Variants in FGF12 observed in about 807,000 individuals in gnomAD.
The protein encoded by FGF12 is fibroblast growth factor 12.
In FGF12, 14 loss-of-function variants were observed where a neutral mutation model predicts 23.6. The observed-to-expected ratio is 0.59, with a 90% CI of 0.39 to 0.93. The LOEUF (loss-of-function observed/expected upper bound fraction) is 0.93. FGF12 is among the 40% of genes least tolerant of loss of function. The probability of loss-of-function intolerance (pLI) is 0.00; values close to 1 mark genes in which losing one functional copy is unlikely to be tolerated. For missense variants in FGF12, 175 were observed against 217.8 expected (o/e 0.80, Z 1.24); for synonymous variants, 62 against 77.3 (o/e 0.80, Z 1.04).
rs577283466 is a variant in FGF12, at chr3:192,323,234, G to A, written c.228+12127C>T. ...ACTGCTAGGTATATCCAAAAGAAAG[G>A]AAATAGGTATATCAAAGAGATATTT... is the stretch of plus-strand genomic sequence containing the variant. On this transcript the variant is annotated intron_variant, in intron 4 of 5. Coordinates refer to ENST00000445105, the MANE Select transcript of FGF12 (RefSeq NM_004113.6). Among the ~76,000 whole-genome samples the A allele has an allele frequency of 2.6e-5, 4 of 152,210 alleles. No individual in the cohort carries two copies. The South Asian group carries it at 8.3e-4, about 32-fold the overall frequency.
chr3:192,569,916 C>T (rs1712515322), intron 2 of FGF12, among the ~76,000 whole-genome samples: 1 of 152,036 alleles, frequency 6.6e-6, no homozygotes. Flanking sequence ...AAGAACAGGA[C>T]TAAGGATGTG....
In FGF12 at chr3:192,384,384, C is replaced by A. The variant is rs377723339; in HGVS notation, c.14-23846G>T. Among the ~76,000 whole-genome samples, 6 of 152,256 alleles carry A rather than the reference C, an allele frequency of 3.9e-5. No homozygotes were observed. In the East Asian group the frequency reaches 9.7e-4, roughly 24 times the overall value. On this transcript the variant is annotated intron_variant, in intron 2 of 5. Transcript: ENST00000445105. ...ATATTAAATTGAAAACAGCAAGAAG[C>A]TAGAGAAGAGGGGATGAAAGGTGAT...
intron 3 of FGF12, among the ~76,000 whole-genome samples, chr3:192,352,122 T>A (rs1198945457): frequency 6.6e-6 from 1 of 152,318 alleles, no homozygotes; most frequent in African/African-American, 2.4e-5. Flanking sequence ...CTTCAAGTAA[T>A]TAATCAAAAT....
At chr3:192,265,682 T>C (rs935544283) in intron 4 of FGF12, among the ~76,000 whole-genome samples, 2 of 152,084 alleles carry the variant, frequency 1.3e-5, no homozygotes, top group Admixed American at 1.3e-4. Flanking sequence ...CATTTACTTA[T>C]GGTATATGGC....
intron 2 of FGF12, among the ~76,000 whole-genome samples, chr3:192,474,987 G>A (rs559365605): frequency 3.6e-4 from 55 of 151,932 alleles, no homozygotes; most frequent in Non-Finnish European, 5.3e-4. Context: ...TGAGTCTTTT[G>A]CCTAGTTCTT....
intron 4 of FGF12, among the ~76,000 whole-genome samples, chr3:192,297,180 T>C (rs1715087118): frequency 1.3e-5 from 2 of 152,182 alleles, no homozygotes; most frequent in South Asian, 4.1e-4. Flanking sequence ...CCTATTTGGT[T>C]AGAATTTCCC....
intron 2 of FGF12, among the ~76,000 whole-genome samples, chr3:192,384,541 T>C (rs566562841): frequency 3.3e-5 from 5 of 152,312 alleles, no homozygotes; most frequent in Middle Eastern, 3.4e-3. Flanking sequence ...CTTATTCAGA[T>C]GCAAAAGTGT....
chr3:192,465,654 C>G (rs747766802), intron 2 of FGF12, among the ~76,000 whole-genome samples: 3 of 152,170 alleles, frequency 2.0e-5, no homozygotes, highest in Non-Finnish European at 4.4e-5. Context: ...AGCTACTTTT[C>G]TTAAATTTTG....
intron 2 of FGF12, among the ~76,000 whole-genome samples, chr3:192,512,726 C>G (rs1724517755): frequency 6.6e-6 from 1 of 150,612 alleles, no homozygotes; most frequent in African/African-American, 2.4e-5. Flanking sequence ...CTACTTGGAA[C>G]TAAATACCAT....
At chr3:192,719,497 G>C (rs183466024) in intron 2 of FGF12, among the ~76,000 whole-genome samples, 1 of 152,240 alleles carries the variant, frequency 6.6e-6, no homozygotes, top group East Asian at 1.9e-4. Context: ...TTGTAGGCTT[G>C]AAAATAAAGA....
At chr3:192,492,121 A>C (rs1723818873) in intron 2 of FGF12, among the ~76,000 whole-genome samples, 1 of 152,150 alleles carries the variant, frequency 6.6e-6, no homozygotes, top group South Asian at 2.1e-4. Context: ...AGGAAGAAAA[A>C]CTTTATAAAG....
At chr3:192,161,191 A>AC (rs757928005) in intron 5 of FGF12, among the ~76,000 whole-genome samples, 4 of 151,982 alleles carry the variant, frequency 2.6e-5, no homozygotes, top group Non-Finnish European at 5.9e-5. Flanking sequence ...AACCACCACC[A>AC]CCAACAGCAG....
chr3:192,479,150 G>A (rs1723409434), intron 2 of FGF12, among the ~76,000 whole-genome samples: 2 of 152,138 alleles, frequency 1.3e-5, no homozygotes, highest in South Asian at 4.2e-4. Flanking sequence ...TTTTGAAGAG[G>A]CAATATGCCT....
chr3:192,707,744 C>CAA (rs780175053), intron 2 of FGF12, among the ~76,000 whole-genome samples: 5 of 84,844 alleles, frequency 5.9e-5, no homozygotes, highest in Admixed American at 4.3e-4. Flanking sequence ...GACTCCTTCT[C>CAA]AAAAAAAAAA....
intron 4 of FGF12, among the ~76,000 whole-genome samples, chr3:192,226,550 A>G (rs1253358861): frequency 1.3e-5 from 2 of 152,140 alleles, no homozygotes; most frequent in Non-Finnish European, 2.9e-5. Context: ...ACATACTGCT[A>G]TGGTCTGAAG....
intron 4 of FGF12, among the ~76,000 whole-genome samples, chr3:192,308,936 T>A (rs1422366338): frequency 3.9e-5 from 6 of 152,124 alleles, no homozygotes; most frequent in African/African-American, 1.4e-4. Context: ...ACTTTTCCTA[T>A]GAGACAATAA....
At chr3:192,698,216 G>T (rs575852807) in intron 2 of FGF12, among the ~76,000 whole-genome samples, 1 of 152,154 alleles carries the variant, frequency 6.6e-6, no homozygotes, top group East Asian at 1.9e-4. Flanking sequence ...TAATAAGAGG[G>T]TTATTAAAGT....
intron 5 of FGF12, among the ~76,000 whole-genome samples, chr3:192,155,159 G>A (rs544239265): frequency 6.0e-5 from 9 of 151,248 alleles, no homozygotes; most frequent in East Asian, 2.0e-4. Context: ...GCAATGCCTC[G>A]CCCTGCTTCG....
chr3:192,482,197 T>A (rs1723499281), intron 2 of FGF12, among the ~76,000 whole-genome samples: 1 of 152,164 alleles, frequency 6.6e-6, no homozygotes, highest in Non-Finnish European at 1.5e-5. Flanking sequence ...TTTTAGAATT[T>A]GAAAAGAACT....
Sources: allele counts gnomAD v4.1 joint callset (sites outside exome capture counted in the v4.1 genomes callset), GRCh38; gene constraint gnomAD v4.1.1; transcripts MANE v1.5; gene names NCBI Gene and HGNC (gene_info 2026-07-23, HGNC 2026-07-21).